The following GMDS variants were observed in gnomAD, a reference collection of about 807,000 sequenced individuals.
The protein encoded by GMDS is GDP-mannose 4,6-dehydratase.
In GMDS, 20 loss-of-function variants were observed where a neutral mutation model predicts 49.9. The ratio of observed to expected loss-of-function variants is 0.40; its 90% CI spans 0.28 to 0.58. The LOEUF is 0.58. Among genes scored for constraint, GMDS ranks in the 20% least tolerant of loss-of-function variants. GMDS has a pLI of 0.42. For synonymous variants in GMDS, 177 were observed against 178.6 expected (o/e 0.99, Z 0.07); for missense variants, 362 against 481.4 (o/e 0.75, Z 2.32).
chr6:1,738,432 G>A (rs1480379498), intron 8 of GMDS, among the ~76,000 whole-genome samples: 1 of 152,202 alleles, frequency 6.6e-6, no homozygotes, highest in African/African-American at 2.4e-5. Context: ...TGATGTCAAA[G>A]ACTTCAAGAG....
chr6:2,094,148 C>A (rs2127479103), intron 4 of GMDS, among the ~76,000 whole-genome samples: 1 of 152,324 alleles, frequency 6.6e-6, no homozygotes, highest in South Asian at 2.1e-4. Flanking sequence ...GCTCTCTTCA[C>A]AAGACTGTCC....
At chr6:1,757,463 G>T (rs996089813) in intron 7 of GMDS, among the ~76,000 whole-genome samples, 1 of 152,210 alleles carries the variant, frequency 6.6e-6, no homozygotes, top group Non-Finnish European at 1.5e-5. Flanking sequence ...GCATGCAGGA[G>T]GAAGTTTCTT....
rs1430405376 is a variant in GMDS at position 2,017,387 on chromosome 6, C to T, written c.346-56421G>A. On this transcript the variant is annotated intron_variant, in intron 4 of 10. Coordinates refer to ENST00000380815, the MANE Select transcript of GMDS (RefSeq NM_001500.4). ...GCAGTGGCGCTATCTCCGCTCACTGCAACCTCCGCCTCCTGGGTTCCAGCA... is the reference window on the plus strand; with the variant it reads ...GCAGTGGCGCTATCTCCGCTCACTGTAACCTCCGCCTCCTGGGTTCCAGCA... 5.9e-5 allele frequency among the ~76,000 whole-genome samples: 9 copies of T among 152,196 alleles called. No individual in the cohort carries two copies. In the East Asian group the frequency reaches 1.7e-3, roughly 29 times the overall value.
chr6:1,624,277 TCCTGGTGACAC>T (rs1581381216), intron 10 of GMDS, 46 bp from the exon 11 acceptor site: 4 of 1,562,158 alleles, frequency 2.6e-6, no homozygotes, highest in Non-Finnish European at 3.5e-6. Context: ...TGCCACTCTC[TCCTGGTGACAC>T]CCCACCCCGG....
intron 4 of GMDS, among the ~76,000 whole-genome samples, chr6:2,101,282 A>C (rs935766144): frequency 6.6e-6 from 1 of 151,926 alleles, no homozygotes; most frequent in Non-Finnish European, 1.5e-5. Flanking sequence ...AAATTCTTTC[A>C]TAAGTAGCAT....
intron 4 of GMDS, among the ~76,000 whole-genome samples, chr6:2,089,031 G>A (rs1332244929): frequency 1.3e-5 from 2 of 152,122 alleles, no homozygotes; most frequent in African/African-American, 4.8e-5. Flanking sequence ...ATCACTACAC[G>A]AAAAGCCAAT....
Position 1,766,448 on chromosome 6 carries a change from A to G in GMDS, c.772-23862T>C, listed in dbSNP as rs2113566388. On this transcript the variant is annotated intron_variant, in intron 7 of 10. Coordinates refer to ENST00000380815, the MANE Select transcript of GMDS (RefSeq NM_001500.4). The surrounding 1 kb of genome is among the most constrained non-coding windows in gnomAD (Gnocchi z 4.5). Reference sequence around the variant, plus strand: ...CACGGAGAGAGAAAAGCATCTTGAGAATCCTAATGGGAACCAATGAAGAAA... The same window carrying G: ...CACGGAGAGAGAAAAGCATCTTGAGGATCCTAATGGGAACCAATGAAGAAA... 6.6e-6 allele frequency among the ~76,000 whole-genome samples: 1 copy of G among 152,294 alleles called. No homozygotes were observed. Among genetic ancestry groups the G allele is most frequent in the South Asian group, 2.1e-4 (1 of 4,826 alleles).
chr6:2,114,696 A>G (rs967072495), intron 4 of GMDS, among the ~76,000 whole-genome samples: 5 of 152,214 alleles, frequency 3.3e-5, no homozygotes, highest in African/African-American at 1.2e-4. Context: ...TTCAAGGTTA[A>G]CATTTGAAAG....
intron 4 of GMDS, among the ~76,000 whole-genome samples, chr6:2,030,064 G>A (rs905564992): frequency 1.3e-5 from 2 of 151,938 alleles, no homozygotes; most frequent in African/African-American, 4.8e-5. Flanking sequence ...CAGGTTGGAG[G>A]AGGAGGGAAG....
chr6:2,110,882 A>G (rs193085544), intron 4 of GMDS, among the ~76,000 whole-genome samples: 41 of 152,360 alleles, frequency 2.7e-4, no homozygotes, highest in African/African-American at 9.9e-4. Context: ...ACGCTGAGAA[A>G]GAATTTGAAA....
At chr6:1,707,702 C>T (rs946000525) in intron 9 of GMDS, among the ~76,000 whole-genome samples, 10 of 152,166 alleles carry the variant, frequency 6.6e-5, no homozygotes, top group African/African-American at 2.4e-4. Flanking sequence ...ACACACAGGC[C>T]TGGGAGGAGC....
At chr6:1,770,757 G>T (rs964722034) in intron 7 of GMDS, among the ~76,000 whole-genome samples, 1 of 152,212 alleles carries the variant, frequency 6.6e-6, no homozygotes, top group South Asian at 2.1e-4. Flanking sequence ...ACATCCAAAA[G>T]GGTCTTCTTA....
chr6:1,647,889 C>CAG (rs1324883875), intron 9 of GMDS, among the ~76,000 whole-genome samples: 2 of 152,220 alleles, frequency 1.3e-5, no homozygotes. Flanking sequence ...CACCTCCTCT[C>CAG]AGAGTACAAC....
At chr6:1,955,523 C>T (rs1209976183) in intron 6 of GMDS, among the ~76,000 whole-genome samples, 4 of 151,890 alleles carry the variant, frequency 2.6e-5, no homozygotes, top group Admixed American at 1.3e-4. Flanking sequence ...TAAAGTGCTC[C>T]CATTTCATAA....
rs111826936 is a variant in GMDS at position 1,993,737 on chromosome 6, TA to T, written c.346-32772del. Among the ~76,000 whole-genome samples, 118 of 145,324 alleles carry T rather than the reference TA, an allele frequency of 8.1e-4. 1 individual carries two copies. The highest frequency in any genetic ancestry group is 8.9e-4 in the Admixed American group (13 of 14,632). ...CCTCAATCTTTAATGACTCCTTCTC[TA>T]AAAAAAAAAAAGGCAGAAAAAGTAA... On this transcript the variant is annotated intron_variant, in intron 4 of 10. Coordinates refer to ENST00000380815, the MANE Select transcript of GMDS (RefSeq NM_001500.4).
At chr6:1,671,814 G>A (rs571167352) in intron 9 of GMDS, among the ~76,000 whole-genome samples, 23 of 151,886 alleles carry the variant, frequency 1.5e-4, no homozygotes, top group East Asian at 1.2e-3. Flanking sequence ...ACAGGTGTGC[G>A]CCACCACACC....
chr6:2,075,470 A>G (rs1044740051), intron 4 of GMDS, among the ~76,000 whole-genome samples: 3 of 152,060 alleles, frequency 2.0e-5, no homozygotes, highest in Admixed American at 1.3e-4. Flanking sequence ...AAGTGTTCTC[A>G]TTGTTCAATT....
intron 9 of GMDS, among the ~76,000 whole-genome samples, chr6:1,630,051 C>T (rs62390636): frequency 0.094 from 14,283 of 152,170 alleles, 888 homozygotes; most frequent in Non-Finnish European, 0.14. Context: ...GTGCAACCTA[C>T]ATATAAATGG....
At chr6:1,730,701 T>C (rs988152846) in intron 8 of GMDS, among the ~76,000 whole-genome samples, 1 of 152,122 alleles carries the variant, frequency 6.6e-6, no homozygotes, top group African/African-American at 2.4e-5. Context: ...ATGAGGACAC[T>C]GGGGAGGCTC....
Sources: allele counts gnomAD v4.1 joint callset (sites outside exome capture counted in the v4.1 genomes callset), GRCh38; gene constraint gnomAD v4.1.1; non-coding constraint Gnocchi (gnomAD v3.1); transcripts MANE v1.5; gene names NCBI Gene and HGNC (gene_info 2026-07-23, HGNC 2026-07-21).